PITPNC1: variants seen among roughly 807,000 people sequenced by gnomAD.
PITPNC1 encodes phosphatidylinositol transfer protein cytoplasmic 1.
Under a neutral mutation model 44.7 loss-of-function variants are expected in PITPNC1, and 18 were observed. That is an observed-to-expected ratio of 0.40 (90% CI 0.28 to 0.60). The LOEUF (loss-of-function observed/expected upper bound fraction) is 0.60, where lower values mean the gene tolerates loss of function less well. Ranked by LOEUF, PITPNC1 falls within the 20% of genes least tolerant of loss-of-function variation. The pLI is 0.39. For synonymous variants in PITPNC1, 141 were observed against 149.6 expected, an observed-to-expected ratio of 0.94 and a Z score of 0.42; for missense variants, 290 against 418.4, an observed-to-expected ratio of 0.69 and a Z score of 2.68.
At chr17:67,583,511 C>A (rs1229908142) in intron 5 of PITPNC1, among the ~76,000 whole-genome samples, 1 of 149,594 alleles carries the variant, frequency 6.7e-6, no homozygotes, top group Non-Finnish European at 1.5e-5. Flanking sequence ...TTGTTTGAAT[C>A]TGGGAGGCGG....
intron 1 of PITPNC1, among the ~76,000 whole-genome samples, chr17:67,413,843 A>G (rs2038546394): frequency 1.3e-5 from 2 of 152,138 alleles, no homozygotes; most frequent in African/African-American, 4.8e-5. Context: ...ACCTCATAAG[A>G]AAATGTCATC....
chr17:67,572,810 TAC>T (rs2041081328), intron 4 of PITPNC1, among the ~76,000 whole-genome samples: 1 of 5,548 alleles, frequency 1.8e-4, no homozygotes, highest in Admixed American at 3.3e-3. Flanking sequence ...GGAGTGGACC[TAC>T]CTAGATTTAG....
chr17:67,595,811 T>C (rs1053085494), intron 5 of PITPNC1, among the ~76,000 whole-genome samples: 5 of 152,268 alleles, frequency 3.3e-5, no homozygotes, highest in African/African-American at 7.2e-5. Context: ...TTGTTAAATA[T>C]AAACTTCATG....
chr17:67,605,547 G>A (rs1055086108), intron 5 of PITPNC1, among the ~76,000 whole-genome samples: 7 of 152,208 alleles, frequency 4.6e-5, no homozygotes, highest in Non-Finnish European at 8.8e-5. Flanking sequence ...TTTAGCTGGG[G>A]GAAATTGCAT....
chr17:67,684,160 G>A (rs1321335934), intron 8 of PITPNC1, among the ~76,000 whole-genome samples: 1 of 143,556 alleles, frequency 7.0e-6, no homozygotes, highest in Non-Finnish European at 1.5e-5. Flanking sequence ...CGCCCAGGCT[G>A]GAGTGCAGTG....
intron 1 of PITPNC1, among the ~76,000 whole-genome samples, chr17:67,410,799 G>T (rs921186095): frequency 2.0e-5 from 3 of 151,974 alleles, no homozygotes; most frequent in African/African-American, 7.2e-5. Flanking sequence ...TAATAGAGCA[G>T]TTGGGCTGCG....
At position 67,608,535 on chromosome 17, in the gene PITPNC1, G is replaced by A. The variant is rs145292999; in HGVS notation, c.367-23608G>A. Among the ~76,000 whole-genome samples the A allele has an allele frequency of 6.5e-3, 961 of 146,972 alleles. 4 individuals carry two copies. The highest frequency in any genetic ancestry group is 0.023 in the African/African-American group (909 of 39,432). ...GACAGAGTTTCACTCCTGTTGCCCA[G>A]TCTGGAGTGCAATGGTGCGATCTGA... On this transcript the variant is annotated intron_variant, in intron 5 of 8. Transcript: ENST00000581322.
intron 5 of PITPNC1, among the ~76,000 whole-genome samples, chr17:67,580,886 A>G (rs900941879): frequency 6.6e-5 from 10 of 152,152 alleles, no homozygotes; most frequent in Admixed American, 5.9e-4. Context: ...CCATCTCTGC[A>G]AAATTAAAAA....
intron 6 of PITPNC1, among the ~76,000 whole-genome samples, chr17:67,655,798 C>T (rs2042259461): frequency 6.6e-6 from 1 of 151,992 alleles, no homozygotes; most frequent in African/African-American, 2.4e-5. Flanking sequence ...TTTTAATTAG[C>T]TGGGCATGGT....
intron 6 of PITPNC1, among the ~76,000 whole-genome samples, chr17:67,635,951 C>G (rs1364264495): frequency 6.6e-6 from 1 of 152,010 alleles, no homozygotes; most frequent in African/African-American, 2.4e-5. Context: ...AGTGTAGAGG[C>G]CAGGGATACT....
rs2040374767 is a variant in PITPNC1 at position 67,524,830 on chromosome 17, C to T, written c.49-7972C>T. 2 of 3,168 alleles carry T rather than the reference C, an allele frequency of 6.3e-4. 1 individual carries two copies. Among genetic ancestry groups the T allele is most frequent in the Non-Finnish European group, 1.0e-3 (2 of 1,914 alleles). The allele number at this position is 3,168 out of a possible 1,614,324, so 0.2% of individuals were successfully genotyped here. A position where few individuals can be genotyped will look rare whatever the true frequency, so the allele number is the denominator to read the frequency against. ...CAGGCCGGACTGCGGACTGCAGTGG[C>T]GCAATCTCGGCTCACTGCAAGCTCC... On this transcript the variant is annotated intron_variant, in intron 1 of 8. Transcript: ENST00000581322.
intron 8 of PITPNC1, among the ~76,000 whole-genome samples, chr17:67,678,732 C>T (rs1368609630): frequency 6.6e-6 from 1 of 152,178 alleles, no homozygotes; most frequent in Non-Finnish European, 1.5e-5. Context: ...AACTGTGGGC[C>T]ATATGTGCCA....
intron 2 of PITPNC1, among the ~76,000 whole-genome samples, chr17:67,545,212 TGA>T (rs2040661405): frequency 6.6e-6 from 1 of 152,128 alleles, no homozygotes; most frequent in East Asian, 1.9e-4. Context: ...CTCAGGAGGC[TGA>T]GGCAGGAGGA....
At chr17:67,669,748 G>A in intron 7 of PITPNC1, 85 bp downstream of exon 7, 8 of 948,812 alleles carry the variant, frequency 8.4e-6, no homozygotes, top group Non-Finnish European at 1.3e-5. Context: ...CACAACAGGT[G>A]CACAAATACA....
chr17:67,419,703 C>T (rs771363364), intron 1 of PITPNC1, among the ~76,000 whole-genome samples: 7 of 152,262 alleles, frequency 4.6e-5, no homozygotes, highest in African/African-American at 7.2e-5. Flanking sequence ...GTCAGGAGTT[C>T]GAGACCAGCT....
chr17:67,434,345 A>G (rs955429190), intron 1 of PITPNC1, among the ~76,000 whole-genome samples: 2 of 152,162 alleles, frequency 1.3e-5, no homozygotes, highest in Admixed American at 1.3e-4. Context: ...CCATTTACAC[A>G]TGGTGTTGCC....
Position 67,626,413 on chromosome 17 carries a change from C to T in PITPNC1, c.367-5730C>T, listed in dbSNP as rs115262159. ...TGAGACAAAGTCTTGCCCTGTCGCA[C>T]AGGCTGGAGTGCAGTGGTGTATCTC... is the stretch of plus-strand genomic sequence containing the variant. On this transcript the variant is annotated intron_variant, in intron 5 of 8. Transcript: ENST00000581322. Among the ~76,000 whole-genome samples, 1,012 of 152,302 alleles carry T rather than the reference C, an allele frequency of 6.6e-3. 11 individuals carry two copies. Among genetic ancestry groups the T allele is most frequent in the African/African-American group, 0.023 (949 of 41,548 alleles).
At chr17:67,575,795 C>CT (rs1389384445) in intron 4 of PITPNC1, among the ~76,000 whole-genome samples, 9 of 130,944 alleles carry the variant, frequency 6.9e-5, no homozygotes, top group African/African-American at 2.9e-4. Context: ...TCTTTCTTTC[C>CT]TTCTTTCTTT....
chr17:67,516,374 G>A (rs1007880033), intron 1 of PITPNC1, among the ~76,000 whole-genome samples: 1 of 152,158 alleles, frequency 6.6e-6, no homozygotes, highest in Non-Finnish European at 1.5e-5. Context: ...CTTAACCTCT[G>A]TGTATCAGTT....
Sources: gnomAD v4.1 joint callset for allele counts (sites outside exome capture counted in the v4.1 genomes callset) on GRCh38, gnomAD v4.1.1 for gene constraint, MANE v1.5 for transcripts, NCBI Gene and HGNC (gene_info 2026-07-23, HGNC 2026-07-21) for gene names.